Variants in CSMD1 observed in about 807,000 individuals in gnomAD.
CSMD1 encodes CUB and sushi domain-containing protein 1.
In CSMD1, 213 loss-of-function variants were observed where a neutral mutation model predicts 417.5. The ratio of observed to expected loss-of-function variants is 0.51; its 90% CI spans 0.46 to 0.57. CSMD1 has a LOEUF of 0.57. CSMD1 is among the 20% of genes least tolerant of loss of function. The pLI is 0.00. For missense variants in CSMD1, 6,923 were observed against 4,529.7 expected, an observed-to-expected ratio of 1.53 and a Z score of -15.17; for synonymous variants, 2,862 against 1,736.8, an observed-to-expected ratio of 1.65 and a Z score of -16.11.
intron 41 of CSMD1, among the ~76,000 whole-genome samples, chr8:3,136,454 G>A (rs532678347): frequency 2.0e-5 from 3 of 151,886 alleles, no homozygotes; most frequent in South Asian, 2.1e-4. Flanking sequence ...TAGTAGAAAC[G>A]GGGTTTCACC....
At chr8:3,101,836 C>G (rs567425577) in intron 46 of CSMD1, among the ~76,000 whole-genome samples, 1 of 128,684 alleles carries the variant, frequency 7.8e-6, no homozygotes, top group Non-Finnish European at 1.6e-5. Context: ...GAGTCTTGCT[C>G]TGTCGCTCAG....
intron 3 of CSMD1, among the ~76,000 whole-genome samples, chr8:4,317,552 T>G (rs1301288505): frequency 2.6e-5 from 4 of 152,166 alleles, no homozygotes; most frequent in Admixed American, 6.5e-5. Flanking sequence ...CAGAGATAGA[T>G]TTAAAGTGTC....
chr8:3,425,494 A>G (rs1813778930), intron 12 of CSMD1, among the ~76,000 whole-genome samples: 1 of 150,336 alleles, frequency 6.7e-6, no homozygotes, highest in African/African-American at 2.4e-5. Flanking sequence ...AGGCTGAGGC[A>G]GGAGAACCGC....
At chr8:3,643,834 A>G (rs554869053) in intron 7 of CSMD1, among the ~76,000 whole-genome samples, 1 of 152,254 alleles carries the variant, frequency 6.6e-6, no homozygotes, top group Admixed American at 6.5e-5. Flanking sequence ...AAGTTAATTA[A>G]GCTACCTATT....
chr8:4,200,413 G>A (rs747502683), intron 3 of CSMD1, among the ~76,000 whole-genome samples: 3 of 152,070 alleles, frequency 2.0e-5, no homozygotes, highest in East Asian at 1.9e-4. Context: ...ATGAAAATTT[G>A]ATTTAAAAGA....
chr8:4,427,146 G>A (rs1436176617), intron 2 of CSMD1, among the ~76,000 whole-genome samples: 1 of 151,576 alleles, frequency 6.6e-6, no homozygotes, highest in South Asian at 2.1e-4. Context: ...GGTAGGGGTG[G>A]TGAGGACAGA....
rs117216196 is a variant in CSMD1 at position 3,071,665 on chromosome 8, T to A, written c.7474+15432A>T. The stretch of plus-strand genomic sequence containing the variant: ...AAATGCAATATTCATTCCATTTGAA[T>A]GCATAAGGCTTTTTGGAAAATGTGA... On this transcript the variant is annotated intron_variant, in intron 49 of 69. Transcript: ENST00000635120. Among the ~76,000 whole-genome samples, 1,119 of 152,340 alleles carry A rather than the reference T, an allele frequency of 7.3e-3. 15 individuals are homozygous for A. The highest frequency in any genetic ancestry group is 0.025 in the African/African-American group (1,049 of 41,580).
intron 54 of CSMD1, among the ~76,000 whole-genome samples, chr8:2,991,480 C>A (rs1806382048): frequency 6.6e-6 from 1 of 152,078 alleles, no homozygotes; most frequent in Non-Finnish European, 1.5e-5. Flanking sequence ...CCAGATATGG[C>A]CTTATCCTAA....
At chr8:4,322,466 T>C (rs985117505) in intron 3 of CSMD1, among the ~76,000 whole-genome samples, 3 of 152,116 alleles carry the variant, frequency 2.0e-5, no homozygotes, top group Non-Finnish European at 4.4e-5. Context: ...CCCATAGCTC[T>C]TAGGGATTAA....
intron 3 of CSMD1, among the ~76,000 whole-genome samples, chr8:4,232,247 G>T (rs1377491458): frequency 3.9e-5 from 6 of 152,078 alleles, no homozygotes; most frequent in Non-Finnish European, 7.4e-5. Context: ...TCACCAGGCT[G>T]TAGTGCAGTG....
At chr8:3,915,273 G>C (rs543269279) in intron 5 of CSMD1, among the ~76,000 whole-genome samples, 2 of 152,118 alleles carry the variant, frequency 1.3e-5, no homozygotes, top group South Asian at 2.1e-4. Flanking sequence ...GGGCATGGTA[G>C]TGTGTGCCTG....
At chr8:3,935,256 T>C (rs1366443188) in intron 5 of CSMD1, among the ~76,000 whole-genome samples, 1 of 152,152 alleles carries the variant, frequency 6.6e-6, no homozygotes, top group Middle Eastern at 3.2e-3. Context: ...AACAGAATCA[T>C]TATATGAAAG....
intron 26 of CSMD1, among the ~76,000 whole-genome samples, chr8:3,273,878 G>A (rs1248654242): frequency 2.0e-5 from 3 of 152,102 alleles, no homozygotes; most frequent in Non-Finnish European, 2.9e-5. Context: ...CAAAAAACCA[G>A]CTCCTGGATT....
intron 5 of CSMD1, among the ~76,000 whole-genome samples, chr8:3,819,246 C>T (rs1230292812): frequency 1.3e-5 from 2 of 152,108 alleles, no homozygotes; most frequent in Admixed American, 1.3e-4. Flanking sequence ...AGTCAAACAC[C>T]TCTGCTTCAT....
chr8:4,669,552 G>T lies in CSMD1; in HGVS notation c.86-31994C>A, dbSNP rs550295223. Among the ~76,000 whole-genome samples, 14 of 152,248 alleles carry T rather than the reference G, an allele frequency of 9.2e-5. 1 individual carries two copies. In the South Asian group the frequency reaches 2.9e-3, roughly 32 times the overall value. ...ACACATATCAATGAGAATTTTCAGA[G>T]ATTTTTTTACCCATCTCCAGAGAAG... On this transcript the variant is annotated intron_variant, in intron 1 of 69. Transcript: ENST00000635120.
chr8:3,567,938 G>A (rs915164486), intron 10 of CSMD1, among the ~76,000 whole-genome samples: 9 of 152,090 alleles, frequency 5.9e-5, no homozygotes, highest in African/African-American at 1.7e-4. Flanking sequence ...CCCCATGGAC[G>A]CCGGAGATGG....
intron 10 of CSMD1, among the ~76,000 whole-genome samples, chr8:3,533,991 A>G (rs73505705): frequency 0.057 from 8,635 of 152,226 alleles, 596 homozygotes; most frequent in East Asian, 0.24. Context: ...GGCAATATTT[A>G]TATTTTAAAT....
chr8:3,318,071 G>T (rs1300498795), intron 23 of CSMD1, among the ~76,000 whole-genome samples: 1 of 152,172 alleles, frequency 6.6e-6, no homozygotes, highest in Non-Finnish European at 1.5e-5. Flanking sequence ...AAAATGTTGG[G>T]ATTACAAGCG....
At chr8:3,343,155 A>G (rs1563291404) in intron 23 of CSMD1, 139 bp downstream of exon 23, 34 of 640,050 alleles carry the variant, frequency 5.3e-5, no homozygotes, top group Non-Finnish European at 6.0e-5. Flanking sequence ...ACCAGTCAAC[A>G]GAGTACAGAA....
Sources: gnomAD v4.1 joint callset for allele counts (sites outside exome capture counted in the v4.1 genomes callset) on GRCh38, gnomAD v4.1.1 for gene constraint, MANE v1.5 for transcripts, NCBI Gene and HGNC (gene_info 2026-07-23, HGNC 2026-07-21) for gene names.